The following ANKS1B variants were observed in gnomAD, a reference collection of about 807,000 sequenced individuals.
ANKS1B encodes ankyrin repeat and sterile alpha motif domain-containing protein 1B.
ANKS1B carries 36 observed loss-of-function variants against 148.3 expected under a neutral mutation model. That is an observed-to-expected ratio of 0.24 (90% confidence interval 0.19 to 0.32). The LOEUF (loss-of-function observed/expected upper bound fraction) is 0.32. ANKS1B is among the 10% of genes least tolerant of loss of function. The probability of loss-of-function intolerance (pLI) is 1.00; values close to 1 mark genes in which losing one functional copy is unlikely to be tolerated. For missense variants in ANKS1B, 1,157 were observed against 1,542.6 expected (o/e 0.75, Z 4.19); for synonymous variants, 542 against 560.8 (o/e 0.97, Z 0.47).
intron 9 of ANKS1B, among the ~76,000 whole-genome samples, chr12:99,533,813 C>T (rs2153098335): frequency 6.6e-6 from 1 of 152,118 alleles, no homozygotes; most frequent in South Asian, 2.1e-4. Flanking sequence ...CCATACAATT[C>T]CTACACAGAG....
chr12:99,264,269 C>T (rs535520167), intron 12 of ANKS1B, among the ~76,000 whole-genome samples: 17 of 152,088 alleles, frequency 1.1e-4, no homozygotes, highest in Admixed American at 3.3e-4. Context: ...CTACACTTTT[C>T]GTTCTAAAAT....
intron 9 of ANKS1B, among the ~76,000 whole-genome samples, chr12:99,553,920 G>C (rs1055632602): frequency 6.6e-6 from 1 of 152,172 alleles, no homozygotes; most frequent in Non-Finnish European, 1.5e-5. Flanking sequence ...AATGAACCAC[G>C]ATGGTCTACT....
intron 17 of ANKS1B, among the ~76,000 whole-genome samples, chr12:99,028,110 T>C (rs959082736): frequency 1.3e-5 from 2 of 152,228 alleles, no homozygotes; most frequent in Non-Finnish European, 2.9e-5. Flanking sequence ...GTTATCATTA[T>C]TCTTATATGA....
intron 12 of ANKS1B, among the ~76,000 whole-genome samples, chr12:99,259,842 A>G (rs563546460): frequency 6.6e-6 from 1 of 152,322 alleles, no homozygotes; most frequent in East Asian, 1.9e-4. Flanking sequence ...TCACAGGGGC[A>G]GTTTCTCAGC....
intron 12 of ANKS1B, among the ~76,000 whole-genome samples, chr12:99,298,105 C>T (rs1272289888): frequency 3.9e-5 from 6 of 152,142 alleles, no homozygotes; most frequent in African/African-American, 1.4e-4. Flanking sequence ...TCTGTCTATA[C>T]CTGTCAGATG....
At chr12:99,104,133 A>G (rs1175697325) in intron 15 of ANKS1B, among the ~76,000 whole-genome samples, 3 of 152,186 alleles carry the variant, frequency 2.0e-5, no homozygotes, top group Non-Finnish European at 2.9e-5. Context: ...ATGAAGGATG[A>G]ATTTGAAAAG....
intron 12 of ANKS1B, among the ~76,000 whole-genome samples, chr12:99,360,074 T>C (rs1170168586): frequency 2.0e-5 from 3 of 152,158 alleles, no homozygotes; most frequent in Non-Finnish European, 4.4e-5. Context: ...TCTTAGCTTT[T>C]CTACTTTGAA....
rs143786296 is a variant in ANKS1B, at chr12:99,958,852, C to A, written c.134+25252G>T. Among the ~76,000 whole-genome samples the A allele has an allele frequency of 2.8e-4, 42 of 152,190 alleles. 1 individual carries two copies. The highest frequency in any genetic ancestry group is 9.6e-4 in the African/African-American group (40 of 41,520). On this transcript the variant is annotated intron_variant, in intron 1 of 26. Transcript: ENST00000683438. The stretch of plus-strand genomic sequence containing the variant: ...CTAGTTTAAATGATGCACCATAGTT[C>A]CTAACACAAATGATGCAAGTAACAG...
chr12:99,351,390 G>A (rs947440825), intron 12 of ANKS1B, among the ~76,000 whole-genome samples: 4 of 151,668 alleles, frequency 2.6e-5, no homozygotes, highest in African/African-American at 4.8e-5. Context: ...TTTAATTTTG[G>A]TGGTAATCCT....
At chr12:99,812,556 CACAGAGAG>C (rs745980356) in intron 2 of ANKS1B, among the ~76,000 whole-genome samples, 2,371 of 62,998 alleles carry the variant, frequency 0.038, 21 homozygotes, top group African/African-American at 0.072. Context: ...CACACACACA[CACAGAGAG>C]AGAGAGAGAG....
chr12:99,241,214 A>G (rs1489858690), intron 14 of ANKS1B, among the ~76,000 whole-genome samples: 1 of 152,238 alleles, frequency 6.6e-6, no homozygotes. Flanking sequence ...GATAAAGGGG[A>G]TATCACCACC....
rs1288831046 is a variant in ANKS1B at position 98,798,483 on chromosome 12, T to TAA, written c.3342+449_3342+450dup. Reference sequence around the variant, plus strand: ...AGTTCATTCCACTCAAAGTTGAATTTAAAAAAATAAAAAAAAAAAACTGAG... The same window carrying TAA: ...AGTTCATTCCACTCAAAGTTGAATTTAAAAAAAAATAAAAAAAAAAAACTGAG... On this transcript the variant is annotated intron_variant, in intron 22 of 26. Coordinates refer to ENST00000683438, the MANE Select transcript of ANKS1B (RefSeq NM_001352186.2). 5.7e-3 allele frequency among the ~76,000 whole-genome samples: 845 copies of TAA among 147,280 alleles called. 11 individuals are homozygous for TAA. The highest frequency in any genetic ancestry group is 0.02 in the African/African-American group (805 of 39,594).
chr12:99,102,800 C>A (rs760417531), intron 15 of ANKS1B, among the ~76,000 whole-genome samples: 11 of 151,986 alleles, frequency 7.2e-5, no homozygotes, highest in Non-Finnish European at 1.5e-4. Context: ...GTGGTTCACA[C>A]TGTAGTGGTG....
chr12:99,835,375 G>A (rs2084684134), intron 1 of ANKS1B, among the ~76,000 whole-genome samples: 1 of 152,034 alleles, frequency 6.6e-6, no homozygotes, highest in Non-Finnish European at 1.5e-5. Context: ...GTTGCAGTGA[G>A]CTGACACTGT....
At chr12:99,570,552 C>A (rs1339091900) in intron 9 of ANKS1B, among the ~76,000 whole-genome samples, 2 of 150,718 alleles carry the variant, frequency 1.3e-5, no homozygotes, top group Non-Finnish European at 2.9e-5. Context: ...GAGGCTGAGG[C>A]AGGAAAATGG....
intron 14 of ANKS1B, among the ~76,000 whole-genome samples, chr12:99,173,667 A>G (rs949817101): frequency 2.6e-5 from 4 of 152,190 alleles, no homozygotes; most frequent in African/African-American, 9.6e-5. Flanking sequence ...ATAATGACCC[A>G]AAGTCTGGGG....
chr12:99,858,837 A>T (rs1017429935), intron 1 of ANKS1B, among the ~76,000 whole-genome samples: 1 of 152,088 alleles, frequency 6.6e-6, no homozygotes, highest in African/African-American at 2.4e-5. Flanking sequence ...GAGGAAACAA[A>T]GGCCTAAGAA....
chr12:99,337,065 T>C (rs2152311030), intron 12 of ANKS1B, among the ~76,000 whole-genome samples: 1 of 152,288 alleles, frequency 6.6e-6, no homozygotes, highest in Non-Finnish European at 1.5e-5. Context: ...TTTGGAAAGT[T>C]CTCTTTTATT....
chr12:99,356,168 G>C (rs906512142), intron 12 of ANKS1B, among the ~76,000 whole-genome samples: 3 of 152,076 alleles, frequency 2.0e-5, no homozygotes, highest in Non-Finnish European at 4.4e-5. Context: ...CAACGAAGAC[G>C]CTTGCCTACC....
Sources: allele counts gnomAD v4.1 joint callset (sites outside exome capture counted in the v4.1 genomes callset), GRCh38; gene constraint gnomAD v4.1.1; transcripts MANE v1.5; gene names NCBI Gene and HGNC (gene_info 2026-07-23, HGNC 2026-07-21).